SFT2D2: variants seen among roughly 807,000 people sequenced by gnomAD.
SFT2D2 encodes vesicle transport protein SFT2B.
SFT2D2 carries 21 observed loss-of-function variants against 27.4 expected under a neutral mutation model. The observed-to-expected ratio is 0.77, with a 90% CI of 0.54 to 1.10. SFT2D2 has a LOEUF of 1.10. Ranked by LOEUF, SFT2D2 falls within the 50% of genes least tolerant of loss-of-function variation. SFT2D2 has a pLI of 0.00. For synonymous variants in SFT2D2, 72 were observed against 71.7 expected (o/e 1.00, Z -0.02); for missense variants, 187 against 194.2 (o/e 0.96, Z 0.22).
At position 168,232,498 on chromosome 1, in the gene SFT2D2, T is replaced by A. The variant is rs190000610; in HGVS notation, c.236+579T>A. On this transcript the variant is annotated intron_variant, in intron 3 of 7. Transcript: ENST00000271375. ...TGGGAGCACTGGCCTGGCCTCTACC[T>A]GAATGACCTGCAGGAACCTGAGCTC... Among the ~76,000 whole-genome samples, 7 of 152,342 alleles carry A rather than the reference T, an allele frequency of 4.6e-5. No individual in the cohort carries two copies. In the East Asian group the frequency reaches 1.4e-3, roughly 29 times the overall value.
rs1280065082 is a variant in SFT2D2, at chr1:168,246,672, A to T, written c.*4132A>T. ...CTGTTGAGTGACTTTGATCATGATC[A>T]TGTAGAGCAACATTCAGTCTACGAT... On this transcript the variant is annotated 3_prime_UTR_variant, in exon 8 of 8. Coordinates refer to ENST00000271375, the MANE Select transcript of SFT2D2 (RefSeq NM_199344.3). The T allele has an allele frequency of 1.6e-6, 2 of 1,223,730 alleles. No individual in the cohort carries two copies. Among genetic ancestry groups the T allele is most frequent in the African/African-American group, 3.0e-5 (2 of 67,224 alleles). 75.8% of individuals were successfully genotyped at this position (1,223,730 alleles called of 1,614,324 possible).
chr1:168,234,191 A>G (rs982711510), intron 3 of SFT2D2, among the ~76,000 whole-genome samples: 1 of 152,134 alleles, frequency 6.6e-6, no homozygotes, highest in African/African-American at 2.4e-5. Context: ...AGGTCAAGAG[A>G]TCGAGACCAT....
rs149910739 is a variant in SFT2D2, at chr1:168,227,813, T to C, written c.63+1671T>C. On this transcript the variant is annotated intron_variant, in intron 1 of 7. Transcript: ENST00000271375. Reference sequence around the variant, plus strand: ...AGACACTTTCTCTCCCTGCAGACTCTTGAGGGGTGGAGTGTTGACAGTGGG... The same window carrying C: ...AGACACTTTCTCTCCCTGCAGACTCCTGAGGGGTGGAGTGTTGACAGTGGG... Among the ~76,000 whole-genome samples, 3 of 152,336 alleles carry C rather than the reference T, an allele frequency of 2.0e-5. No homozygotes were observed. The East Asian group carries it at 5.8e-4, about 29-fold the overall frequency.
intron 6 of SFT2D2, among the ~76,000 whole-genome samples, chr1:168,238,883 T>C (rs1647575346): frequency 6.6e-6 from 1 of 152,210 alleles, no homozygotes; most frequent in African/African-American, 2.4e-5. Context: ...ATACGGGTTA[T>C]CTCCACATGA....
chr1:168,242,028 A>G (rs1647656161), intron 7 of SFT2D2, among the ~76,000 whole-genome samples: 1 of 152,178 alleles, frequency 6.6e-6, no homozygotes, highest in Non-Finnish European at 1.5e-5. Flanking sequence ...CAAGCAGTAA[A>G]TACCTGTGAT....
In SFT2D2 at chr1:168,246,747, A is replaced by C; in HGVS notation, c.*4207A>C. 2 of 809,986 alleles carry C rather than the reference A, an allele frequency of 2.5e-6. No individual in the cohort carries two copies. The highest frequency in any genetic ancestry group is 4.1e-6 in the Non-Finnish European group (2 of 484,978). The allele number at this position is 809,986 out of a possible 1,614,324, so 50.2% of individuals were successfully genotyped here. ...TTGCCTGCTTTGTTTTTCCTTCTCC[A>C]GTTTAGAACGGAGCATTGTGTTCTC... On this transcript the variant is annotated 3_prime_UTR_variant, in exon 8 of 8. Transcript: ENST00000271375.
chr1:168,242,682 G>A lies in SFT2D2; in HGVS notation c.*142G>A. Reference sequence around the variant, plus strand: ...TGTGTTGCTTGTGATTCGAACATTTGAGGGTTACTTTTGGAAGCAACAATA... The same window carrying A: ...TGTGTTGCTTGTGATTCGAACATTTAAGGGTTACTTTTGGAAGCAACAATA... On this transcript the variant is annotated 3_prime_UTR_variant, in exon 8 of 8. Transcript: ENST00000271375. The A allele has an allele frequency of 9.9e-7, 1 of 1,012,848 alleles. No individual in the cohort carries two copies. Among genetic ancestry groups the A allele is most frequent in the Non-Finnish European group, 1.5e-6 (1 of 648,844 alleles). 62.7% of individuals were successfully genotyped at this position (1,012,848 alleles called of 1,614,324 possible). A position where few individuals can be genotyped will look rare whatever the true frequency, so the allele number is the denominator to read the frequency against.
At position 168,250,218 on chromosome 1, in the gene SFT2D2, C is replaced by T. The variant is rs1647919741; in HGVS notation, c.*7678C>T. The T allele has an allele frequency of 6.6e-6, 1 of 152,162 alleles. No individual in the cohort carries two copies. Among genetic ancestry groups the T allele is most frequent in the African/African-American group, 2.4e-5 (1 of 41,448 alleles). The allele number at this position is 152,162 out of a possible 1,614,324, so 9.4% of individuals were successfully genotyped here. ...GACCCTGCCTCCCAGGGTCTTCCTG[C>T]GTTTTTCCTTAAGTTGCCTTATTCT... On this transcript the variant is annotated 3_prime_UTR_variant, in exon 8 of 8. Coordinates refer to ENST00000271375, the MANE Select transcript of SFT2D2 (RefSeq NM_199344.3).
In SFT2D2 at chr1:168,247,197, A is replaced by T; in HGVS notation, c.*4657A>T. Reference sequence around the variant, plus strand: ...TTTTACATAAATAAACTGCATTTTTAATTTTCTTTTTTTATATGAGATTCT... The same window carrying T: ...TTTTACATAAATAAACTGCATTTTTTATTTTCTTTTTTTATATGAGATTCT... On this transcript the variant is annotated 3_prime_UTR_variant, in exon 8 of 8. Transcript: ENST00000271375. 1 of 258,070 alleles carries T rather than the reference A, an allele frequency of 3.9e-6. No homozygotes were observed. The highest frequency in any genetic ancestry group is 7.8e-6 in the Non-Finnish European group (1 of 128,262). 16.0% of individuals were successfully genotyped at this position (258,070 alleles called of 1,614,324 possible). A position where few individuals can be genotyped will look rare whatever the true frequency, so the allele number is the denominator to read the frequency against.
rs1326325956 is a variant in SFT2D2, at chr1:168,231,679, C to G, written c.150+79C>G. On this transcript the variant is annotated intron_variant, in intron 2 of 7. Coordinates refer to ENST00000271375, the MANE Select transcript of SFT2D2 (RefSeq NM_199344.3). ...TTCCCCCTTTTGTCCACCTCCTTTC[C>G]CCTTTTGCCCTTCACTAAAATGCAT... 3.3e-6 allele frequency: 5 copies of G among 1,500,368 alleles called. No individual in the cohort carries two copies. The African/African-American group carries it at 6.9e-5, about 21-fold the overall frequency. The allele number at this position is 1,500,368 out of a possible 1,614,324, so 92.9% of individuals were successfully genotyped here.
chr1:168,236,805 G>T, intron 6 of SFT2D2, 35 bp downstream of exon 6: 1 of 1,603,990 alleles, frequency 6.2e-7, no homozygotes, highest in Non-Finnish European at 8.5e-7. Context: ...CTCCCACATA[G>T]CCCACTGAAT....
rs966738802 is a variant in SFT2D2 at position 168,243,229 on chromosome 1, C to T, written c.*689C>T. The T allele has an allele frequency of 1.3e-5, 2 of 151,778 alleles. No individual in the cohort carries two copies. Among genetic ancestry groups the T allele is most frequent in the African/African-American group, 4.8e-5 (2 of 41,304 alleles). The allele number at this position is 151,778 out of a possible 1,614,324, so 9.4% of individuals were successfully genotyped here. On this transcript the variant is annotated 3_prime_UTR_variant, in exon 8 of 8. Coordinates refer to ENST00000271375, the MANE Select transcript of SFT2D2 (RefSeq NM_199344.3). ...TTATTTCCCATCCCTCCCTCCCTCT[C>T]CCTGCATATCTTTCTTTATGACCTC...
rs754288388 is a variant in SFT2D2 at position 168,242,522 on chromosome 1, T to C, written c.465T>C (p.Phe155=). The C allele has an allele frequency of 1.9e-5, 31 of 1,614,120 alleles. No homozygotes were observed. Among genetic ancestry groups the C allele is most frequent in the Non-Finnish European group, 1.9e-5 (22 of 1,180,044 alleles). ...CTAGGGATGCTGTGAAGAAGTGTTT[T>C]GCCGTGTGTCTTGCATAATTCATGG... ...PFARDAVKKC[F]AVCLA is the part of the protein sequence containing the mutation. Residue 155 remains phenylalanine, a synonymous_variant, in exon 8 of 8, where the codon TTT becomes TTC. Coordinates refer to ENST00000271375, the MANE Select transcript of SFT2D2 (RefSeq NM_199344.3).
chr1:168,236,814 A>G, intron 6 of SFT2D2, 44 bp downstream of exon 6: 1 of 1,592,376 alleles, frequency 6.3e-7, no homozygotes, highest in Non-Finnish European at 8.6e-7. Flanking sequence ...AGCCCACTGA[A>G]TAATGTAGCC....
intron 3 of SFT2D2, 138 bp downstream of exon 3, chr1:168,232,057 T>G: frequency 1.5e-6 from 1 of 668,288 alleles, no homozygotes; most frequent in Admixed American, 2.7e-5. Context: ...TATCTCACAT[T>G]CATATCTTAT....
intron 3 of SFT2D2, among the ~76,000 whole-genome samples, chr1:168,232,454 C>G (rs1250457237): frequency 6.6e-6 from 1 of 152,220 alleles, no homozygotes; most frequent in East Asian, 1.9e-4. Flanking sequence ...CTGGTGCCAA[C>G]AACTCCACCC....
In SFT2D2 at chr1:168,242,545, T is replaced by A; in HGVS notation, c.*5T>A. 2.5e-6 allele frequency: 4 copies of A among 1,614,216 alleles called. No homozygotes were observed. Among genetic ancestry groups the A allele is most frequent in the Non-Finnish European group, 3.4e-6 (4 of 1,180,040 alleles). ...TTTGCCGTGTGTCTTGCATAATTCA[T>A]GGCCAGTTTTATGAAGCTTTGGAAG... is the stretch of plus-strand genomic sequence containing the variant. On this transcript the variant is annotated 3_prime_UTR_variant, in exon 8 of 8. Transcript: ENST00000271375.
At chr1:168,241,054 T>G (rs1460946144) in intron 7 of SFT2D2, among the ~76,000 whole-genome samples, 2 of 152,214 alleles carry the variant, frequency 1.3e-5, no homozygotes, top group African/African-American at 4.8e-5. Context: ...AGAGCTTCAG[T>G]CTTGATCTGG....
intron 3 of SFT2D2, among the ~76,000 whole-genome samples, chr1:168,234,826 C>T (rs567824210): frequency 3.5e-4 from 53 of 152,308 alleles, no homozygotes; most frequent in Middle Eastern, 3.4e-3. Context: ...TACAGTAACA[C>T]CCACATGCAT....
Sources: allele counts gnomAD v4.1 joint callset (sites outside exome capture counted in the v4.1 genomes callset), GRCh38; gene constraint gnomAD v4.1.1; transcripts MANE v1.5; gene names NCBI Gene and HGNC (gene_info 2026-07-23, HGNC 2026-07-21).